Variants in FNDC3B observed in about 807,000 individuals in gnomAD.
FNDC3B encodes fibronectin type III domain containing 3B.
FNDC3B carries 12 observed loss-of-function variants against 151.5 expected under a neutral mutation model. That is an observed-to-expected ratio of 0.08 (90% confidence interval 0.05 to 0.13). FNDC3B has a LOEUF of 0.13. Among genes scored for constraint, FNDC3B ranks in the 10% least tolerant of loss-of-function variants. FNDC3B has a pLI of 1.00. For synonymous variants in FNDC3B, 528 were observed against 549.0 expected, an observed-to-expected ratio of 0.96 and a Z score of 0.54; for missense variants, 1,214 against 1,505.3, an observed-to-expected ratio of 0.81 and a Z score of 3.20.
chr3:172,084,199 A>G (rs1258971294), intron 1 of FNDC3B, among the ~76,000 whole-genome samples: 2 of 152,104 alleles, frequency 1.3e-5, no homozygotes, highest in Non-Finnish European at 2.9e-5. Flanking sequence ...CTTTAATCCC[A>G]GTAGCTTGGG....
At chr3:172,100,034 A>C (rs1719305676) in intron 1 of FNDC3B, among the ~76,000 whole-genome samples, 1 of 152,232 alleles carries the variant, frequency 6.6e-6, no homozygotes, top group Non-Finnish European at 1.5e-5. Flanking sequence ...TATTGGTGAC[A>C]TTAACTGAAA....
intron 3 of FNDC3B, among the ~76,000 whole-genome samples, chr3:172,213,431 A>G (rs1449780926): frequency 6.6e-6 from 1 of 152,212 alleles, no homozygotes; most frequent in Non-Finnish European, 1.5e-5. Context: ...AGTGATAGAG[A>G]TAAGGTGATG....
chr3:172,042,394 A>G (rs1415038460), intron 1 of FNDC3B, among the ~76,000 whole-genome samples: 2 of 152,172 alleles, frequency 1.3e-5, no homozygotes, highest in Non-Finnish European at 2.9e-5. Context: ...GTAGCATTTG[A>G]TGGATAAGTT....
At chr3:172,244,219 T>C (rs1428777245) in intron 4 of FNDC3B, among the ~76,000 whole-genome samples, 1 of 152,236 alleles carries the variant, frequency 6.6e-6, no homozygotes, top group African/African-American at 2.4e-5. Flanking sequence ...GTGATTCATC[T>C]GCCTCTGGAC....
intron 3 of FNDC3B, among the ~76,000 whole-genome samples, chr3:172,165,344 C>T (rs1180109510): frequency 6.6e-6 from 1 of 152,152 alleles, no homozygotes; most frequent in Non-Finnish European, 1.5e-5. Context: ...GTAAGAAAAG[C>T]CTACCCAAAA....
At chr3:172,260,282 G>A (rs771965159) in intron 6 of FNDC3B, among the ~76,000 whole-genome samples, 12 of 152,178 alleles carry the variant, frequency 7.9e-5, no homozygotes, top group Non-Finnish European at 1.6e-4. Context: ...GTTAGAGATC[G>A]TCATCACAAA....
chr3:172,090,170 A>C (rs1336739436), intron 1 of FNDC3B, among the ~76,000 whole-genome samples: 1 of 152,230 alleles, frequency 6.6e-6, no homozygotes, highest in East Asian at 1.9e-4. Context: ...GTCCAACTTC[A>C]AACGTGCCTC....
At chr3:172,271,482 ATTT>A (rs758446730) in intron 6 of FNDC3B, among the ~76,000 whole-genome samples, 2 of 151,234 alleles carry the variant, frequency 1.3e-5, no homozygotes, top group African/African-American at 2.4e-5. Flanking sequence ...TACTCAGCAC[ATTT>A]TTTGTTGTTG....
chr3:172,199,683 AC>A (rs1350967759), intron 3 of FNDC3B, among the ~76,000 whole-genome samples: 1 of 152,214 alleles, frequency 6.6e-6, no homozygotes, highest in Non-Finnish European at 1.5e-5. Flanking sequence ...CCAAAACATC[AC>A]CAAACTTCTA....
intron 3 of FNDC3B, among the ~76,000 whole-genome samples, chr3:172,148,732 T>A (rs927613438): frequency 2.0e-5 from 3 of 152,220 alleles, no homozygotes; most frequent in Non-Finnish European, 2.9e-5. Flanking sequence ...GTATTATTAG[T>A]AATTACAGTT....
At chr3:172,314,166 G>C (rs895307989) in intron 11 of FNDC3B, among the ~76,000 whole-genome samples, 2 of 152,162 alleles carry the variant, frequency 1.3e-5, no homozygotes, top group African/African-American at 4.8e-5. Flanking sequence ...AGAATGGGAA[G>C]TGGATGTTTT....
intron 24 of FNDC3B, among the ~76,000 whole-genome samples, chr3:172,379,851 A>G (rs1410302821): frequency 1.3e-5 from 2 of 152,118 alleles, no homozygotes; most frequent in African/African-American, 2.4e-5. Flanking sequence ...AAAAAATACA[A>G]TGGCACATTG....
In FNDC3B at chr3:172,325,539, A is replaced by T. The variant is rs73035118; in HGVS notation, c.1255-3413A>T. 5.7e-3 allele frequency among the ~76,000 whole-genome samples: 864 copies of T among 152,328 alleles called. 10 individuals carry two copies. Among genetic ancestry groups the T allele is most frequent in the African/African-American group, 0.019 (809 of 41,576 alleles). ...CTCCATTTCTGTCAACAAGAACAGG[A>T]AAATGTTTTGTTTATAAATGCTATT... On this transcript the variant is annotated intron_variant, in intron 11 of 25. Transcript: ENST00000415807.
chr3:172,349,504 G>C (rs1185756297), intron 21 of FNDC3B, among the ~76,000 whole-genome samples: 1 of 152,114 alleles, frequency 6.6e-6, no homozygotes, highest in Non-Finnish European at 1.5e-5. Flanking sequence ...TTAATAAAAA[G>C]TGGTGTAAAT....
intron 25 of FNDC3B, among the ~76,000 whole-genome samples, chr3:172,394,229 C>T (rs1736168544): frequency 6.7e-6 from 1 of 149,594 alleles, no homozygotes; most frequent in Admixed American, 6.7e-5. Flanking sequence ...CATTATACCT[C>T]ACGGAACTGG....
intron 3 of FNDC3B, among the ~76,000 whole-genome samples, chr3:172,216,321 C>A (rs1218290000): frequency 6.6e-6 from 1 of 152,038 alleles, no homozygotes; most frequent in Non-Finnish European, 1.5e-5. Context: ...CCATTCCAAA[C>A]CTGACATTAA....
At chr3:172,048,307 A>T (rs1716465786) in intron 1 of FNDC3B, among the ~76,000 whole-genome samples, 1 of 152,140 alleles carries the variant, frequency 6.6e-6, no homozygotes, top group Non-Finnish European at 1.5e-5. Context: ...TACCTTCTAT[A>T]TCTTTTATTG....
At position 172,244,975 on chromosome 3, in the gene FNDC3B, G is replaced by A. The variant is rs538746277; in HGVS notation, c.265-2558G>A. On this transcript the variant is annotated intron_variant, in intron 4 of 25. Transcript: ENST00000415807. ...TCTTTTTAATGATAAGACAGGCTTGGGTTTGTCAAGAACAGGTTTCTAAAA... is the reference window on the plus strand; with the variant it reads ...TCTTTTTAATGATAAGACAGGCTTGAGTTTGTCAAGAACAGGTTTCTAAAA... 7.8e-4 allele frequency among the ~76,000 whole-genome samples: 119 copies of A among 152,040 alleles called. 1 individual carries two copies. Among genetic ancestry groups the A allele is most frequent in the African/African-American group, 2.8e-3 (115 of 41,480 alleles).
chr3:172,206,421 G>A (rs1038767549), intron 3 of FNDC3B, among the ~76,000 whole-genome samples: 5 of 152,076 alleles, frequency 3.3e-5, no homozygotes, highest in African/African-American at 1.2e-4. Flanking sequence ...CACTTTGGGA[G>A]GCCAAGGCTG....
Sources: allele counts gnomAD v4.1 joint callset (sites outside exome capture counted in the v4.1 genomes callset), GRCh38; gene constraint gnomAD v4.1.1; transcripts MANE v1.5; gene names NCBI Gene and HGNC (gene_info 2026-07-23, HGNC 2026-07-21).